The following PROM2 variants were observed in gnomAD, a reference collection of about 807,000 sequenced individuals.
The protein encoded by PROM2 is prominin-2.
A neutral mutation model predicts 110.2 loss-of-function variants in PROM2; 90 were observed. The observed-to-expected ratio is 0.82, with a 90% confidence interval of 0.69 to 0.97. The LOEUF is 0.97. Ranked by LOEUF, PROM2 falls within the 50% of genes least tolerant of loss-of-function variation. The pLI is 0.00. For synonymous variants in PROM2, 470 were observed against 467.8 expected (o/e 1.00, Z -0.06); for missense variants, 1,009 against 1,074.8 (o/e 0.94, Z 0.86).
intron 6 of PROM2, 59 bp from the exon 7 acceptor site, chr2:95,277,305 G>A (rs1676728321): frequency 6.6e-7 from 1 of 1,526,614 alleles, no homozygotes; most frequent in African/African-American, 1.4e-5. Context: ...TCTGCCTCCT[G>A]CAAGGCGTCT....
In PROM2 at chr2:95,278,036, C is replaced by G. The variant is rs1158139145; in HGVS notation, c.1050+32C>G. On this transcript the variant is annotated intron_variant, in intron 8 of 23. Transcript: ENST00000317620. ...GCCACCTGGTCTGCCTGATTTCTCCCTCACCTGCCAAGTGAGGGCCTCTGT... is the reference window on the plus strand; with the variant it reads ...GCCACCTGGTCTGCCTGATTTCTCCGTCACCTGCCAAGTGAGGGCCTCTGT... The G allele has an allele frequency of 3.8e-6, 6 of 1,578,808 alleles. No homozygotes were observed. In the East Asian group the frequency reaches 1.4e-4, roughly 36 times the overall value.
chr2:95,278,273 GGT>G, intron 8 of PROM2: 1 of 567,282 alleles, frequency 1.8e-6, no homozygotes. Flanking sequence ...GGCTCCCCTG[GGT>G]GGAGATGGGC....
rs1227266431 is a variant in PROM2, at chr2:95,276,713, G to C, written c.682+56G>C. 12 of 1,583,872 alleles carry C rather than the reference G, an allele frequency of 7.6e-6. No homozygotes were observed. Among genetic ancestry groups the C allele is most frequent in the Non-Finnish European group, 1.0e-5 (12 of 1,155,604 alleles). ...GGCTCCTTCCAGGGCCCCTGCTCGGGTGCCTCGGTGGGGGCCTCTCACTCC... is the reference window on the plus strand; with the variant it reads ...GGCTCCTTCCAGGGCCCCTGCTCGGCTGCCTCGGTGGGGGCCTCTCACTCC... On this transcript the variant is annotated intron_variant, in intron 5 of 23. Coordinates refer to ENST00000317620, the MANE Select transcript of PROM2 (RefSeq NM_001165978.3). The surrounding 1 kb of genome is among the most constrained non-coding windows in gnomAD (Gnocchi z 4.6).
chr2:95,286,750 C>T, intron 17 of PROM2, 54 bp from the exon 18 acceptor site: 1 of 1,417,490 alleles, frequency 7.1e-7, no homozygotes, highest in Non-Finnish European at 9.8e-7. Context: ...CCTCCCCTCT[C>T]CTCCCTCCCC....
chr2:95,278,205 C>T lies in PROM2; in HGVS notation c.1050+201C>T, dbSNP rs78250322. 2.0e-3 allele frequency: 1,204 copies of T among 599,222 alleles called. 24 individuals are homozygous for T. In the East Asian group the frequency reaches 0.032, roughly 16 times the overall value. The allele number at this position is 599,222 out of a possible 1,614,324, so 37.1% of individuals were successfully genotyped here. A position where few individuals can be genotyped will look rare whatever the true frequency, so the allele number is the denominator to read the frequency against. ...GATGGGAGAGCTGGGCCCTTCAAGG[C>T]GGCAGGCGTCTGGGGGTGGCAAGGG... is the stretch of plus-strand genomic sequence containing the variant. On this transcript the variant is annotated intron_variant, in intron 8 of 23. Transcript: ENST00000317620.
Position 95,276,425 on chromosome 2 carries a change from G to T in PROM2, c.618+78G>T. The T allele has an allele frequency of 6.3e-7, 1 of 1,594,922 alleles. No individual in the cohort carries two copies. Among genetic ancestry groups the T allele is most frequent in the Non-Finnish European group, 8.6e-7 (1 of 1,168,700 alleles). On this transcript the variant is annotated intron_variant, in intron 4 of 23. Coordinates refer to ENST00000317620, the MANE Select transcript of PROM2 (RefSeq NM_001165978.3). This position sits in a 1 kb window ranked among gnomAD's most constrained non-coding sequence, Gnocchi z 4.6. ...GCAGGACAGAGCCGAGTGGGCCCTCGATGGCCCATAACCAGCGCATCTGAA... is the reference window on the plus strand; with the variant it reads ...GCAGGACAGAGCCGAGTGGGCCCTCTATGGCCCATAACCAGCGCATCTGAA...
rs1282175684 is a variant in PROM2 at position 95,279,077 on chromosome 2, G to A, written c.1207G>A (p.Ala403Thr). ...GLEAASRWAQ[A>T]LQEVEESSRP... Reference sequence around the variant, plus strand: ...GGAGGCAGCTTCCCGCTGGGCCCAGGCACTGCAGGAGGTGGAGGAGAGCAG... The same window carrying A: ...GGAGGCAGCTTCCCGCTGGGCCCAGACACTGCAGGAGGTGGAGGAGAGCAG... Residue 403 changes from alanine to threonine, a missense_variant, in exon 10 of 24, where the codon GCA (alanine) becomes ACA (threonine). Coordinates refer to ENST00000317620, the MANE Select transcript of PROM2 (RefSeq NM_001165978.3). 1 of 1,595,658 alleles carries A rather than the reference G, an allele frequency of 6.3e-7. No homozygotes were observed. Among genetic ancestry groups the A allele is most frequent in the Admixed American group, 1.7e-5 (1 of 59,190 alleles).
intron 15 of PROM2, 63 bp downstream of exon 15, chr2:95,285,178 A>G (rs1397490269): frequency 1.4e-6 from 2 of 1,461,742 alleles, no homozygotes; most frequent in Non-Finnish European, 1.8e-6. Context: ...AGGGGCCCAC[A>G]GAGGAGCTGG....
rs2104571569 is a variant in PROM2, at chr2:95,276,303, G to A, written c.574G>A (p.Glu192Lys). 3.7e-6 allele frequency: 6 copies of A among 1,613,818 alleles called. No homozygotes were observed. In the East Asian group the frequency reaches 1.1e-4, roughly 30 times the overall value. Residue 192 changes from glutamate to lysine, a missense_variant, in exon 4 of 24, where the codon GAG (glutamate) becomes AAG (lysine). Transcript: ENST00000317620. This position sits in a 1 kb window ranked among gnomAD's most constrained non-coding sequence, Gnocchi z 4.6. ...GGGCCCCAGCATCGAGGCCATGCCT[G>A]AGACCCTGCTCAGCCTCTGGGGCCT... ...QMGPSIEAMP[E>K]TLLSLWGLVS...
At position 95,275,342 on chromosome 2, in the gene PROM2, G is replaced by A; in HGVS notation, c.245-119G>A. 2.2e-6 allele frequency: 2 copies of A among 897,916 alleles called. No homozygotes were observed. The highest frequency in any genetic ancestry group is 3.5e-6 in the Non-Finnish European group (2 of 573,940). 55.6% of individuals were successfully genotyped at this position (897,916 alleles called of 1,614,324 possible). ...CGGTGATGCAGCCTTCTGCGAGGGT[G>A]CCATGGTGGTGGCAGGAGCCCTGCC... On this transcript the variant is annotated intron_variant, in intron 1 of 23. Coordinates refer to ENST00000317620, the MANE Select transcript of PROM2 (RefSeq NM_001165978.3). This position sits in a 1 kb window ranked among gnomAD's most constrained non-coding sequence, Gnocchi z 4.4.
chr2:95,279,770 G>T, intron 10 of PROM2, 75 bp from the exon 11 acceptor site: 2 of 1,280,192 alleles, frequency 1.6e-6, no homozygotes, highest in Non-Finnish European at 2.0e-6. Flanking sequence ...ACACCCGGTC[G>T]CCACGTCCCG....
intron 9 of PROM2, 24 bp from the exon 10 acceptor site, chr2:95,278,961 A>G: frequency 6.3e-7 from 1 of 1,597,528 alleles, no homozygotes; most frequent in Non-Finnish European, 8.5e-7. Context: ...TCCGCATCCC[A>G]CAAGTCCCTG....
In PROM2 at chr2:95,277,880, C is replaced by G; in HGVS notation, c.976-50C>G. 2.0e-6 allele frequency: 3 copies of G among 1,526,394 alleles called. No individual in the cohort carries two copies. The African/African-American group carries it at 4.1e-5, about 21-fold the overall frequency. 94.6% of individuals were successfully genotyped at this position (1,526,394 alleles called of 1,614,324 possible). ...CCCCTCATCCACCCTCAGGGATCCC[C>G]TTCAGGCCTCTCCATGAACTTTGTC... On this transcript the variant is annotated intron_variant, in intron 7 of 23. Transcript: ENST00000317620.
At chr2:95,279,702 G>A (rs1442197955) in intron 10 of PROM2, 143 bp from the exon 11 acceptor site, 1 of 574,088 alleles carries the variant, frequency 1.7e-6, no homozygotes, top group Non-Finnish European at 2.7e-6. Flanking sequence ...AGAGCAGTAG[G>A]GCCTCAGGAA....
rs761599343 is a variant in PROM2, at chr2:95,279,984, C to T, written c.1414C>T (p.Arg472Cys). 1.6e-5 allele frequency: 23 copies of T among 1,461,624 alleles called. No individual in the cohort carries two copies. Among genetic ancestry groups the T allele is most frequent in the Admixed American group, 9.8e-5 (4 of 40,802 alleles). The allele number at this position is 1,461,624 out of a possible 1,614,324, so 90.5% of individuals were successfully genotyped here. A position where few individuals can be genotyped will look rare whatever the true frequency, so the allele number is the denominator to read the frequency against. The change falls in exon 11 of 24, where the codon CGC (arginine) becomes TGC (cysteine). Residue 472 changes from arginine (R) to cysteine (C), a missense_variant. Physicochemically the swap from Arg to Cys is radical, Grantham distance 180. Coordinates refer to ENST00000317620, the MANE Select transcript of PROM2 (RefSeq NM_001165978.3). ...HPEAKGEAGARFLMAGVGLSF... is the reference protein window; with the variant it reads ...HPEAKGEAGACFLMAGVGLSF... ...AGAAGCCAAGGGCGAGGCTGGAGCC[C>T]GCTTCCTCATGGCGTAAGAAAGGGC... is the stretch of plus-strand genomic sequence containing the variant.
Position 95,288,548 on chromosome 2 carries a change from C to G in PROM2, c.2400C>G (p.Val800=), listed in dbSNP as rs147712476. ...FFLIPSIIFA[V]KTSKYFRPIR... ...TGATCCCCAGCATCATCTTTGCCGT[C>G]AAGACCTCCAAATACTTCCGTCCTA... Residue 800 remains valine (V), a synonymous_variant, in exon 22 of 24, where the codon GTC becomes GTG. Transcript: ENST00000317620. The G allele has an allele frequency of 5.0e-6, 8 of 1,614,108 alleles. No individual in the cohort carries two copies. The highest frequency in any genetic ancestry group is 6.8e-6 in the Non-Finnish European group (8 of 1,180,036).
At chr2:95,277,665 C>T (rs1198096096) in intron 7 of PROM2, 99 bp downstream of exon 7, 1 of 1,216,540 alleles carries the variant, frequency 8.2e-7, no homozygotes, top group African/African-American at 1.5e-5. Flanking sequence ...CCCAATGTTC[C>T]TCCCTTGCTC....
At chr2:95,279,264 T>C in intron 10 of PROM2, 120 bp downstream of exon 10, 1 of 756,588 alleles carries the variant, frequency 1.3e-6, no homozygotes. Context: ...ACTGAGCCTC[T>C]GTGTTTTTTG....
intron 20 of PROM2, 79 bp downstream of exon 20, chr2:95,287,543 C>G: frequency 6.9e-7 from 1 of 1,454,038 alleles, no homozygotes; most frequent in Non-Finnish European, 9.5e-7. Flanking sequence ...CCCGCCCCCG[C>G]CCCCGGAGCC....
Sources: gnomAD v4.1 joint callset for allele counts on GRCh38, gnomAD v4.1.1 for gene constraint, Gnocchi (gnomAD v3.1) non-coding constraint, MANE v1.5 for transcripts, NCBI Gene and HGNC (gene_info 2026-07-23, HGNC 2026-07-21) for gene names.